The following PALS2 variants were observed in gnomAD, a reference collection of about 807,000 sequenced individuals.
The protein encoded by PALS2 is protein PALS2.
In PALS2, 27 loss-of-function variants were observed where a neutral mutation model predicts 61.6. The observed-to-expected ratio is 0.44, with a 90% CI of 0.32 to 0.60. PALS2 has a LOEUF of 0.60. Among genes scored for constraint, PALS2 ranks in the 20% least tolerant of loss-of-function variants. The pLI is 0.05. For missense variants in PALS2, 554 were observed against 639.4 expected, an observed-to-expected ratio of 0.87 and a Z score of 1.44; for synonymous variants, 236 against 218.6, an observed-to-expected ratio of 1.08 and a Z score of -0.70.
At chr7:24,613,150 T>C (rs1374865651) in intron 1 of PALS2, among the ~76,000 whole-genome samples, 1 of 151,778 alleles carries the variant, frequency 6.6e-6, no homozygotes, top group Non-Finnish European at 1.5e-5. Flanking sequence ...CTTTCAGTCT[T>C]TTCTGTTTTG....
At chr7:24,619,137 A>G (rs1280378463) in intron 1 of PALS2, among the ~76,000 whole-genome samples, 2 of 152,188 alleles carry the variant, frequency 1.3e-5, no homozygotes, top group African/African-American at 4.8e-5. Flanking sequence ...CGTGATCCAT[A>G]ATAGTTTACT....
intron 5 of PALS2, among the ~76,000 whole-genome samples, chr7:24,656,193 A>G (rs772538134): frequency 1.3e-5 from 2 of 152,186 alleles, no homozygotes; most frequent in Admixed American, 6.5e-5. Context: ...CAACATTTGC[A>G]CCATGTTTAG....
intron 1 of PALS2, among the ~76,000 whole-genome samples, chr7:24,623,338 A>G (rs1190560768): frequency 1.3e-5 from 2 of 150,914 alleles, no homozygotes; most frequent in Admixed American, 6.6e-5. Context: ...TTTCCTTCTT[A>G]TAAGTCTGTT....
At chr7:24,588,771 G>T (rs1303916684) in intron 1 of PALS2, among the ~76,000 whole-genome samples, 1 of 152,162 alleles carries the variant, frequency 6.6e-6, no homozygotes, top group Admixed American at 6.5e-5. Context: ...AACAAGGTTT[G>T]CAAGAACTTC....
rs1363912084 is a variant in PALS2, at chr7:24,691,843, ATGTATT to A, written c.*4232_*4237del. ...GAGAATTCATGTAATAACATCTGTA[ATGTATT>A]TGGAATTTTTGGGAGAAATTCATTC... On this transcript the variant is annotated 3_prime_UTR_variant, in exon 12 of 12. Coordinates refer to ENST00000222644, the MANE Select transcript of PALS2 (RefSeq NM_001303037.2). 1 of 152,014 alleles carries A rather than the reference ATGTATT, an allele frequency of 6.6e-6. No homozygotes were observed. Among genetic ancestry groups the A allele is most frequent in the East Asian group, 1.9e-4 (1 of 5,194 alleles). 9.4% of individuals were successfully genotyped at this position (152,014 alleles called of 1,614,324 possible). A position where few individuals can be genotyped will look rare whatever the true frequency, so the allele number is the denominator to read the frequency against.
intron 5 of PALS2, among the ~76,000 whole-genome samples, chr7:24,657,323 TC>T (rs1408927637): frequency 6.6e-6 from 1 of 152,200 alleles, no homozygotes; most frequent in Non-Finnish European, 1.5e-5. Flanking sequence ...AACTTAAATT[TC>T]CACCAACATT....
At chr7:24,592,288 A>G (rs1046606274) in intron 1 of PALS2, among the ~76,000 whole-genome samples, 2 of 152,124 alleles carry the variant, frequency 1.3e-5, no homozygotes, top group Non-Finnish European at 2.9e-5. Flanking sequence ...TGGGTCAGGG[A>G]AGGCTTCATT....
intron 1 of PALS2, among the ~76,000 whole-genome samples, chr7:24,615,008 A>G (rs80310481): frequency 0.063 from 9,595 of 152,086 alleles, 352 homozygotes; most frequent in African/African-American, 0.093. Flanking sequence ...AAAACTGTAC[A>G]AAAACATGGA....
At chr7:24,598,658 G>A (rs550265973) in intron 1 of PALS2, among the ~76,000 whole-genome samples, 5 of 152,234 alleles carry the variant, frequency 3.3e-5, no homozygotes, top group South Asian at 2.1e-4. Flanking sequence ...TTTGGAATTC[G>A]CAAATTTCTG....
intron 5 of PALS2, among the ~76,000 whole-genome samples, chr7:24,658,401 A>C (rs916146702): frequency 6.6e-6 from 1 of 152,058 alleles, no homozygotes; most frequent in Non-Finnish European, 1.5e-5. Context: ...CACATTTGAC[A>C]TTTCTGGGTC....
At chr7:24,678,261 G>A (rs977863503) in intron 9 of PALS2, among the ~76,000 whole-genome samples, 2 of 152,184 alleles carry the variant, frequency 1.3e-5, no homozygotes. Flanking sequence ...GTATGTCTCT[G>A]AAAGTATTCA....
chr7:24,662,768 G>GAAAAAAAAAAAAAAAAAAA (rs59367702), intron 5 of PALS2, among the ~76,000 whole-genome samples: 3 of 102,614 alleles, frequency 2.9e-5, no homozygotes, highest in African/African-American at 9.0e-5. Flanking sequence ...GACTCCATCT[G>GAAAAAAAAAAAAAAAAAAA]AAAAAAAAAA....
intron 9 of PALS2, among the ~76,000 whole-genome samples, chr7:24,675,384 T>A (rs925250193): frequency 2.0e-5 from 3 of 151,670 alleles, no homozygotes; most frequent in Non-Finnish European, 4.4e-5. Context: ...TTTAAGGTTT[T>A]TTTTTTTCCC....
chr7:24,677,040 CTT>C lies in PALS2; in HGVS notation c.1115-2088_1115-2087del, dbSNP rs950076218. Among the ~76,000 whole-genome samples the C allele has an allele frequency of 1.3e-3, 203 of 151,764 alleles. 1 individual carries two copies. The highest frequency in any genetic ancestry group is 4.8e-3 in the African/African-American group (196 of 41,058). On this transcript the variant is annotated intron_variant, in intron 9 of 11. Coordinates refer to ENST00000222644, the MANE Select transcript of PALS2 (RefSeq NM_001303037.2). ...ATGTTCTTGCATTTGTTTGTATCCT[CTT>C]TTATTTCGTTGAGCAGTGGTTTGTA...
intron 2 of PALS2, among the ~76,000 whole-genome samples, chr7:24,641,193 T>C (rs1442702131): frequency 1.3e-5 from 2 of 151,982 alleles, no homozygotes; most frequent in Admixed American, 6.5e-5. Context: ...TTGCTCTAAA[T>C]TGACTTTTTT....
intron 8 of PALS2, chr7:24,667,052 A>G (rs1447792257): frequency 9.2e-5 from 14 of 152,182 alleles, no homozygotes; most frequent in Admixed American, 9.2e-4. Context: ...CTTTCTCTTA[A>G]TATTGGTTTA....
intron 6 of PALS2, among the ~76,000 whole-genome samples, chr7:24,665,207 A>G (rs944545804): frequency 6.6e-6 from 1 of 152,244 alleles, no homozygotes; most frequent in African/African-American, 2.4e-5. Context: ...GGCCTGAAAT[A>G]CCAACATAGT....
chr7:24,633,873 T>C (rs533809409), intron 2 of PALS2, among the ~76,000 whole-genome samples: 1 of 152,346 alleles, frequency 6.6e-6, no homozygotes, highest in African/African-American at 2.4e-5. Context: ...CTCTGTATCA[T>C]CTTCAACACT....
intron 9 of PALS2, among the ~76,000 whole-genome samples, chr7:24,678,062 A>G (rs955741523): frequency 1.3e-5 from 2 of 152,302 alleles, no homozygotes; most frequent in African/African-American, 2.4e-5. Flanking sequence ...TACTTAGCTA[A>G]TAGAAACAGG....
Sources: allele counts gnomAD v4.1 joint callset (sites outside exome capture counted in the v4.1 genomes callset), GRCh38; gene constraint gnomAD v4.1.1; transcripts MANE v1.5; gene names NCBI Gene and HGNC (gene_info 2026-07-23, HGNC 2026-07-21).